The following SAMD12 variants were observed in gnomAD, a reference collection of about 807,000 sequenced individuals.
SAMD12 encodes the protein sterile alpha motif domain-containing protein 12.
Under a neutral mutation model 15.0 loss-of-function variants are expected in SAMD12, and 9 were observed. That is an observed-to-expected ratio of 0.60 (90% CI 0.36 to 1.05). SAMD12 has a LOEUF of 1.05. SAMD12 is among the 50% of genes least tolerant of loss of function. The pLI, the probability that SAMD12 is intolerant of heterozygous loss-of-function variation, is 0.01. For synonymous variants in SAMD12, 86 were observed against 90.1 expected, an observed-to-expected ratio of 0.96 and a Z score of 0.25; for missense variants, 230 against 234.2, an observed-to-expected ratio of 0.98 and a Z score of 0.12.
chr8:118,428,792 A>G (rs574737924), intron 3 of SAMD12, among the ~76,000 whole-genome samples: 30 of 152,302 alleles, frequency 2.0e-4, no homozygotes, highest in African/African-American at 7.0e-4. Context: ...TTCTACTATT[A>G]TAATCTACAA....
intron 2 of SAMD12, among the ~76,000 whole-genome samples, chr8:118,562,434 A>T (rs751895438): frequency 4.6e-5 from 7 of 152,168 alleles, no homozygotes; most frequent in African/African-American, 7.2e-5. Context: ...TTATTAAAAA[A>T]AAGAAAGGAG....
At chr8:118,313,663 T>C (rs748105549) in intron 4 of SAMD12, among the ~76,000 whole-genome samples, 6 of 152,002 alleles carry the variant, frequency 3.9e-5, no homozygotes, top group Non-Finnish European at 7.4e-5. Context: ...CAGATAGTGG[T>C]GGCTGGGGGT....
chr8:118,248,588 T>A (rs1244519272), intron 4 of SAMD12, among the ~76,000 whole-genome samples: 1 of 152,038 alleles, frequency 6.6e-6, no homozygotes, highest in Non-Finnish European at 1.5e-5. Flanking sequence ...GCTCACTGTC[T>A]GTTTTGGCCA....
At chr8:118,570,772 T>G (rs1328028411) in intron 2 of SAMD12, among the ~76,000 whole-genome samples, 1 of 152,178 alleles carries the variant, frequency 6.6e-6, no homozygotes, top group Non-Finnish European at 1.5e-5. Context: ...CACCCAAATC[T>G]CATCCTGAAT....
intron 4 of SAMD12, among the ~76,000 whole-genome samples, chr8:118,222,369 C>T (rs554387847): frequency 9.9e-5 from 15 of 152,010 alleles, no homozygotes; most frequent in African/African-American, 3.6e-4. Context: ...CATTTACCAG[C>T]TATGTGACCT....
intron 4 of SAMD12, among the ~76,000 whole-genome samples, chr8:118,340,694 G>T (rs554502401): frequency 6.6e-6 from 1 of 152,076 alleles, no homozygotes; most frequent in Non-Finnish European, 1.5e-5. Flanking sequence ...ACTTGAACCC[G>T]GGAGGTGGAG....
chr8:118,363,107 T>A (rs1818585281), intron 4 of SAMD12, among the ~76,000 whole-genome samples: 1 of 152,216 alleles, frequency 6.6e-6, no homozygotes, highest in Non-Finnish European at 1.5e-5. Flanking sequence ...TTGAGTTTCT[T>A]GCAAAAGAAA....
chr8:118,621,936 A>G lies in SAMD12; in HGVS notation c.-120T>C, dbSNP rs759817121. ...TTCTGCGCTTATCTGCTCCAGGACC[A>G]ACCTGCCGCGGTCACGCAAAGCGAG... On this transcript the variant is annotated 5_prime_UTR_variant, in exon 1 of 4. Transcript: ENST00000314727. 1.1e-5 allele frequency: 13 copies of G among 1,236,954 alleles called. No individual in the cohort carries two copies. The highest frequency in any genetic ancestry group is 1.3e-5 in the Non-Finnish European group (11 of 839,202). The allele number at this position is 1,236,954 out of a possible 1,614,324, so 76.6% of individuals were successfully genotyped here. A position where few individuals can be genotyped will look rare whatever the true frequency, so the allele number is the denominator to read the frequency against.
intron 2 of SAMD12, among the ~76,000 whole-genome samples, chr8:118,500,270 G>T (rs1049433572): frequency 6.6e-6 from 1 of 151,280 alleles, no homozygotes; most frequent in Non-Finnish European, 1.5e-5. Context: ...TAGAGACGGG[G>T]TTTCTCCATG....
intron 2 of SAMD12, among the ~76,000 whole-genome samples, chr8:118,450,947 T>C (rs768640466): frequency 7.2e-5 from 11 of 152,200 alleles, no homozygotes; most frequent in Non-Finnish European, 1.3e-4. Context: ...CTTAAAAGTA[T>C]ACTGATGCCA....
chr8:118,519,929 T>TG (rs1400532344), intron 2 of SAMD12, among the ~76,000 whole-genome samples: 1 of 152,134 alleles, frequency 6.6e-6, no homozygotes, highest in Non-Finnish European at 1.5e-5. Context: ...CTCAGAGCAT[T>TG]GAAAAAAAAG....
chr8:118,370,233 G>A (rs948245764), intron 4 of SAMD12, among the ~76,000 whole-genome samples: 4 of 152,118 alleles, frequency 2.6e-5, no homozygotes, highest in African/African-American at 9.7e-5. Context: ...ACCACAGTGA[G>A]ATACCATCTC....
At chr8:118,309,492 C>G (rs1340363254) in intron 4 of SAMD12, among the ~76,000 whole-genome samples, 1 of 151,932 alleles carries the variant, frequency 6.6e-6, no homozygotes, top group Non-Finnish European at 1.5e-5. Flanking sequence ...GTGAATTGTG[C>G]TCTTACAAAT....
intron 4 of SAMD12, chr8:118,291,101 A>C (rs1027107025): frequency 6.6e-6 from 1 of 152,240 alleles, no homozygotes; most frequent in Non-Finnish European, 1.5e-5. Flanking sequence ...TACAATGAAA[A>C]TGTTAAAAGT....
chr8:118,541,130 C>G (rs1477597798), intron 2 of SAMD12, among the ~76,000 whole-genome samples: 2 of 152,116 alleles, frequency 1.3e-5, no homozygotes, highest in African/African-American at 4.8e-5. Flanking sequence ...ATATTGTATA[C>G]TATATTGTGT....
chr8:118,465,218 T>C (rs920399541), intron 2 of SAMD12, among the ~76,000 whole-genome samples: 3 of 152,188 alleles, frequency 2.0e-5, no homozygotes, highest in Non-Finnish European at 2.9e-5. Context: ...GCAATGATTA[T>C]ACTTCACAGC....
intron 2 of SAMD12, among the ~76,000 whole-genome samples, chr8:118,516,818 T>C (rs1825257916): frequency 6.6e-6 from 1 of 152,104 alleles, no homozygotes; most frequent in Non-Finnish European, 1.5e-5. Context: ...TTCTGTATTT[T>C]AGTAGAGATG....
At chr8:118,450,595 A>G (rs1823050624) in intron 2 of SAMD12, among the ~76,000 whole-genome samples, 1 of 152,316 alleles carries the variant, frequency 6.6e-6, no homozygotes, top group African/African-American at 2.4e-5. Context: ...ATTGTTATTG[A>G]TCATCATCAT....
chr8:118,516,918 C>T (rs891485574), intron 2 of SAMD12, among the ~76,000 whole-genome samples: 2 of 152,146 alleles, frequency 1.3e-5, no homozygotes, highest in Non-Finnish European at 2.9e-5. Context: ...GGATTACAGG[C>T]GTGAGCCACC....
Sources: allele counts gnomAD v4.1 joint callset (sites outside exome capture counted in the v4.1 genomes callset), GRCh38; gene constraint gnomAD v4.1.1; transcripts MANE v1.5; gene names NCBI Gene and HGNC (gene_info 2026-07-23, HGNC 2026-07-21).